Variants in HACD2 observed in about 807,000 individuals in gnomAD.
The protein encoded by HACD2 is 3-hydroxyacyl-CoA dehydratase 2, also known as very-long-chain (3R)-3-hydroxyacyl-CoA dehydratase 2.
A neutral mutation model predicts 31.0 loss-of-function variants in HACD2; 15 were observed. The ratio of observed to expected loss-of-function variants is 0.48; its 90% CI spans 0.32 to 0.75. The LOEUF (loss-of-function observed/expected upper bound fraction) is 0.75, where lower values mean the gene tolerates loss of function less well. Among genes scored for constraint, HACD2 ranks in the 30% least tolerant of loss-of-function variants. The probability of loss-of-function intolerance (pLI) is 0.03; values close to 1 mark genes in which losing one functional copy is unlikely to be tolerated. For missense variants in HACD2, 283 were observed against 313.0 expected, an observed-to-expected ratio of 0.90 and a Z score of 0.72; for synonymous variants, 115 against 122.2, an observed-to-expected ratio of 0.94 and a Z score of 0.39.
chr3:123,567,766 A>G lies in HACD2; in HGVS notation c.288T>C (p.Ala96=). 6.7e-7 allele frequency: 1 copy of G among 1,501,450 alleles called. No individual in the cohort carries two copies. The highest frequency in any genetic ancestry group is 9.0e-7 in the Non-Finnish European group (1 of 1,115,162). 93.0% of individuals were successfully genotyped at this position (1,501,450 alleles called of 1,614,324 possible). A position where few individuals can be genotyped will look rare whatever the true frequency, so the allele number is the denominator to read the frequency against. Residue 96 remains alanine, a synonymous_variant, in exon 3 of 7, where the codon GCT becomes GCC. Coordinates refer to ENST00000383657, the MANE Select transcript of HACD2 (RefSeq NM_198402.5). ...TGALLEILHC[A]IGIVPSSVVL... ...GGGGGGAATATCCATACTTACCTATAGCACAATGTAAAATCTAGAGGAAAA... is the reference window on the plus strand; with the variant it reads ...GGGGGGAATATCCATACTTACCTATGGCACAATGTAAAATCTAGAGGAAAA...
rs560884084 is a variant in HACD2 at position 123,524,780 on chromosome 3, C to A, written c.381+3606G>T. Among the ~76,000 whole-genome samples, 12 of 152,218 alleles carry A rather than the reference C, an allele frequency of 7.9e-5. No individual in the cohort carries two copies. In the South Asian group the frequency reaches 2.3e-3, roughly 29 times the overall value. On this transcript the variant is annotated intron_variant, in intron 4 of 6. Transcript: ENST00000383657. ...GATATCACAGGTGTGAGCCACTGTG[C>A]CCGGCCACCATCATGTTTTTAAAGG...
At chr3:123,546,324 T>C (rs2056559521) in intron 3 of HACD2, among the ~76,000 whole-genome samples, 1 of 152,174 alleles carries the variant, frequency 6.6e-6, no homozygotes. Flanking sequence ...ATCCAAACCC[T>C]TGTGGCAGAC....
intron 2 of HACD2, among the ~76,000 whole-genome samples, chr3:123,573,935 C>G (rs957740566): frequency 1.3e-5 from 2 of 152,018 alleles, no homozygotes; most frequent in African/African-American, 4.8e-5. Flanking sequence ...ATGTTGAAGT[C>G]TCACAGAACT....
intron 3 of HACD2, among the ~76,000 whole-genome samples, chr3:123,556,811 T>A (rs1487992121): frequency 6.6e-6 from 1 of 152,146 alleles, no homozygotes; most frequent in Non-Finnish European, 1.5e-5. Context: ...AATAGACACC[T>A]TGCCCCAAAA....
chr3:123,546,275 A>C (rs2056558731), intron 3 of HACD2, among the ~76,000 whole-genome samples: 2 of 152,140 alleles, frequency 1.3e-5, no homozygotes, highest in Admixed American at 1.3e-4. Flanking sequence ...AAGTGGATGG[A>C]CTCATGGATT....
rs2056667912 is a variant in HACD2 at position 123,555,910 on chromosome 3, G to A, written c.292+11852C>T. ...GCCAGAAATAGATCCAGCAATAACTGATCTTTGACAATGGCATAAAGACAA... is the reference window on the plus strand; with the variant it reads ...GCCAGAAATAGATCCAGCAATAACTAATCTTTGACAATGGCATAAAGACAA... On this transcript the variant is annotated intron_variant, in intron 3 of 6. Coordinates refer to ENST00000383657, the MANE Select transcript of HACD2 (RefSeq NM_198402.5). Among the ~76,000 whole-genome samples, 3 of 152,260 alleles carry A rather than the reference G, an allele frequency of 2.0e-5. No homozygotes were observed. The South Asian group carries it at 6.2e-4, about 32-fold the overall frequency.
At chr3:123,546,914 A>C (rs1031114231) in intron 3 of HACD2, among the ~76,000 whole-genome samples, 1 of 152,168 alleles carries the variant, frequency 6.6e-6, no homozygotes, top group Non-Finnish European at 1.5e-5. Flanking sequence ...TGGTGTAATA[A>C]TTTTTTTCTG....
intron 3 of HACD2, among the ~76,000 whole-genome samples, chr3:123,537,386 G>A (rs2056438801): frequency 6.6e-6 from 1 of 152,106 alleles, no homozygotes; most frequent in Non-Finnish European, 1.5e-5. Context: ...GGATAACAGT[G>A]AGACTCCACA....
chr3:123,548,896 G>T (rs150698816), intron 3 of HACD2, among the ~76,000 whole-genome samples: 9 of 151,532 alleles, frequency 5.9e-5, no homozygotes, highest in African/African-American at 1.9e-4. Context: ...AAGTGCTGGG[G>T]TTGCAGGCAT....
rs2055812300 is a variant in HACD2 at position 123,494,792 on chromosome 3, CT to C, written c.*95del. 1.0e-5 allele frequency: 8 copies of C among 789,922 alleles called. No homozygotes were observed. In the South Asian group the frequency reaches 1.3e-4, roughly 13 times the overall value. The allele number at this position is 789,922 out of a possible 1,614,324, so 48.9% of individuals were successfully genotyped here. ...TTGAATATTTTAAAAATAGTTCTTACTTATTTTCTATGAAACGTATTGGGAA... is the reference window on the plus strand; with the variant it reads ...TTGAATATTTTAAAAATAGTTCTTACTATTTTCTATGAAACGTATTGGGAA... On this transcript the variant is annotated 3_prime_UTR_variant, in exon 7 of 7. Transcript: ENST00000383657.
At chr3:123,576,944 C>T (rs1401974304) in intron 2 of HACD2, among the ~76,000 whole-genome samples, 5 of 152,146 alleles carry the variant, frequency 3.3e-5, no homozygotes, top group African/African-American at 4.8e-5. Context: ...CAGAGTGAGA[C>T]AGGAACACAC....
intron 4 of HACD2, among the ~76,000 whole-genome samples, chr3:123,510,072 C>A (rs2056037311): frequency 6.6e-6 from 1 of 152,258 alleles, no homozygotes; most frequent in Non-Finnish European, 1.5e-5. Flanking sequence ...CCATATTGTG[C>A]AACCATTACC....
chr3:123,531,782 T>C (rs80305150), intron 3 of HACD2, among the ~76,000 whole-genome samples: 2 of 152,300 alleles, frequency 1.3e-5, no homozygotes, highest in African/African-American at 4.8e-5. Flanking sequence ...CCTTCTCTTC[T>C]TCAAAAGATT....
intron 3 of HACD2, among the ~76,000 whole-genome samples, chr3:123,539,911 TAAAAAAAA>T (rs71142741): frequency 1.3e-3 from 32 of 24,476 alleles, no homozygotes; most frequent in Non-Finnish European, 4.4e-4. Flanking sequence ...TCGTCTCTAC[TAAAAAAAA>T]AAAAAAAAAA....
chr3:123,569,988 C>CAAAAAAAAAAAAA (rs55844728), intron 2 of HACD2, among the ~76,000 whole-genome samples: 5 of 38,714 alleles, frequency 1.3e-4, no homozygotes, highest in Non-Finnish European at 1.5e-4. Context: ...CACTCCATCT[C>CAAAAAAAAAAAAA]AAAAAAAAAA....
At chr3:123,549,271 T>C (rs1389121705) in intron 3 of HACD2, among the ~76,000 whole-genome samples, 1 of 152,164 alleles carries the variant, frequency 6.6e-6, no homozygotes, top group Non-Finnish European at 1.5e-5. Context: ...CCATTATTTA[T>C]AGACCCTTGA....
At chr3:123,542,158 A>AAG in intron 3 of HACD2, among the ~76,000 whole-genome samples, 1 of 148,664 alleles carries the variant, frequency 6.7e-6, no homozygotes, top group East Asian at 1.9e-4. Context: ...AAAAAAAAAA[A>AAG]AAAAAAAAAA....
At chr3:123,515,970 G>A (rs1261433072) in intron 4 of HACD2, among the ~76,000 whole-genome samples, 1 of 152,024 alleles carries the variant, frequency 6.6e-6, no homozygotes, top group Non-Finnish European at 1.5e-5. Flanking sequence ...ATGTTGCCCA[G>A]GCTAGTCTCA....
chr3:123,576,617 G>A (rs562473453), intron 2 of HACD2, among the ~76,000 whole-genome samples: 1 of 152,300 alleles, frequency 6.6e-6, no homozygotes, highest in African/African-American at 2.4e-5. Flanking sequence ...ACACATGCAT[G>A]TAGCTTGCAT....
Sources: gnomAD v4.1 joint callset for allele counts (sites outside exome capture counted in the v4.1 genomes callset) on GRCh38, gnomAD v4.1.1 for gene constraint, MANE v1.5 for transcripts, NCBI Gene and HGNC (gene_info 2026-07-23, HGNC 2026-07-21) for gene names.